The following DDX60L variants were observed in gnomAD, a reference collection of about 807,000 sequenced individuals.
DDX60L encodes DExD/H-box 60 like.
DDX60L carries 191 observed loss-of-function variants against 211.6 expected under a neutral mutation model. The observed-to-expected ratio is 0.90, with a 90% CI of 0.80 to 1.02. DDX60L has a LOEUF of 1.02. DDX60L is among the 50% of genes least tolerant of loss of function. The pLI is 0.00. For synonymous variants in DDX60L, 706 were observed against 694.1 expected (o/e 1.02, Z -0.27); for missense variants, 2,007 against 1,984.1 (o/e 1.01, Z -0.22).
chr4:168,379,620 A>T, intron 31 of DDX60L, 106 bp downstream of exon 31: 1 of 1,168,990 alleles, frequency 8.6e-7, no homozygotes, highest in Non-Finnish European at 1.2e-6. Flanking sequence ...AATGATAAGT[A>T]ACATTATCAT....
rs1738414918 is a variant in DDX60L at position 168,357,971 on chromosome 4, G to T, written c.*176C>A. Reference sequence around the variant, plus strand: ...TTGCCAAAAATGAAGTTAAAGCTCAGATATATTACATAACTTAAAGTCATT... The same window carrying T: ...TTGCCAAAAATGAAGTTAAAGCTCATATATATTACATAACTTAAAGTCATT... On this transcript the variant is annotated 3_prime_UTR_variant, in exon 38 of 38. Transcript: ENST00000682922. 1.8e-6 allele frequency: 1 copy of T among 547,970 alleles called. No individual in the cohort carries two copies. The highest frequency in any genetic ancestry group is 2.4e-5 in the South Asian group (1 of 42,360). The allele number at this position is 547,970 out of a possible 1,614,324, so 33.9% of individuals were successfully genotyped here. A position where few individuals can be genotyped will look rare whatever the true frequency, so the allele number is the denominator to read the frequency against.
chr4:168,435,430 A>C (rs1168672185), intron 10 of DDX60L, among the ~76,000 whole-genome samples: 2 of 152,218 alleles, frequency 1.3e-5, no homozygotes, highest in Non-Finnish European at 2.9e-5. Flanking sequence ...TCACATCCAC[A>C]TTCAACCTGA....
Position 168,423,761 on chromosome 4 carries a change from T to G in DDX60L, c.1944A>C (p.Lys648Asn). The G allele has an allele frequency of 6.4e-7, 1 of 1,570,134 alleles. No homozygotes were observed. The highest frequency in any genetic ancestry group is 8.6e-7 in the Non-Finnish European group (1 of 1,166,606). ...KHCRGEGKIS[K>N]DLSIAVQMMK... is the part of the protein sequence containing the mutation. Reference sequence around the variant, plus strand: ...TCATTTGAACAGCTATACTTAAATCTTTCGAAATTTTGCCTTGTTAAAGAA... The same window carrying G: ...TCATTTGAACAGCTATACTTAAATCGTTCGAAATTTTGCCTTGTTAAAGAA... Residue 648 changes from lysine (K) to asparagine (N), a missense_variant, in exon 15 of 38, where the codon AAA (lysine) becomes AAC (asparagine). Coordinates refer to ENST00000682922, the MANE Select transcript of DDX60L (RefSeq NM_001012967.3).
chr4:168,415,765 C>T lies in DDX60L; in HGVS notation c.2761G>A (p.Ala921Thr). The T allele has an allele frequency of 1.3e-6, 2 of 1,582,918 alleles. No homozygotes were observed. Among genetic ancestry groups the T allele is most frequent in the South Asian group, 1.2e-5 (1 of 86,268 alleles). Residue 921 changes from alanine to threonine, a missense_variant, in exon 21 of 38, where the codon GCA becomes ACA. Physicochemically the swap from Ala to Thr is moderately conservative, Grantham distance 58 (BLOSUM62 0). Coordinates refer to ENST00000682922, the MANE Select transcript of DDX60L (RefSeq NM_001012967.3). ...LQSVKQYWKQ[A>T]DKIMEEKCIS... ...CATTTCTCTTCCATAATCTTGTCTGCCTGTTTCCAGTACTGTTTTACTGAT... is the reference window on the plus strand; with the variant it reads ...CATTTCTCTTCCATAATCTTGTCTGTCTGTTTCCAGTACTGTTTTACTGAT...
intron 1 of DDX60L, among the ~76,000 whole-genome samples, chr4:168,479,629 A>G (rs888149660): frequency 1.3e-5 from 2 of 152,188 alleles, no homozygotes; most frequent in African/African-American, 2.4e-5. Context: ...AAAAAAGAAC[A>G]AAGTACCTTT....
chr4:168,472,569 C>CTA, intron 2 of DDX60L, 45 bp from the exon 3 acceptor site: 1 of 1,565,532 alleles, frequency 6.4e-7, no homozygotes, highest in Non-Finnish European at 8.7e-7. Flanking sequence ...TTTTACACAG[C>CTA]TATATAATTT....
chr4:168,385,052 T>C (rs548928859), intron 29 of DDX60L, among the ~76,000 whole-genome samples: 1 of 152,314 alleles, frequency 6.6e-6, no homozygotes, highest in South Asian at 2.1e-4. Flanking sequence ...ACTCATAAAA[T>C]CCTTGGACTC....
At chr4:168,401,009 A>G in intron 25 of DDX60L, 31 bp from the exon 26 acceptor site, 1 of 1,596,926 alleles carries the variant, frequency 6.3e-7, no homozygotes, top group Non-Finnish European at 8.5e-7. Flanking sequence ...TGCTTTGAAA[A>G]GACTATGTTT....
intron 34 of DDX60L, among the ~76,000 whole-genome samples, chr4:168,374,763 G>A (rs959225837): frequency 3.9e-5 from 6 of 152,158 alleles, no homozygotes; most frequent in African/African-American, 1.4e-4. Flanking sequence ...ATAGACTTAC[G>A]CGATGTTGAC....
At chr4:168,431,808 T>C (rs996567896) in intron 12 of DDX60L, among the ~76,000 whole-genome samples, 3 of 152,148 alleles carry the variant, frequency 2.0e-5, no homozygotes, top group Non-Finnish European at 4.4e-5. Flanking sequence ...GAAAAAAAGA[T>C]CTATGAATTC....
intron 10 of DDX60L, among the ~76,000 whole-genome samples, chr4:168,440,702 G>T (rs1256794534): frequency 6.6e-6 from 1 of 152,074 alleles, no homozygotes; most frequent in South Asian, 2.1e-4. Flanking sequence ...GACTGGGTTG[G>T]TCTGTTAATC....
chr4:168,457,981 T>C lies in DDX60L; in HGVS notation c.634A>G (p.Lys212Glu), dbSNP rs750630047. ...TCTTCCAAGTGTTGTATGAGGCTTT[T>C]ATATGCACTCTGAATCACTGTTTCA... ...ENETVIQSAY[K>E]SLIQHLEEIR... The change falls in exon 6 of 38, where the codon AAA (lysine) becomes GAA (glutamate). Residue 212 changes from lysine to glutamate, a missense_variant. By Grantham distance (56) the Lys-to-Glu change is moderately conservative. Coordinates refer to ENST00000682922, the MANE Select transcript of DDX60L (RefSeq NM_001012967.3). The C allele has an allele frequency of 2.6e-6, 4 of 1,562,512 alleles. No individual in the cohort carries two copies. The African/African-American group carries it at 5.4e-5, about 21-fold the overall frequency.
intron 12 of DDX60L, among the ~76,000 whole-genome samples, chr4:168,431,796 AG>A (rs1183963831): frequency 2.0e-5 from 3 of 152,188 alleles, no homozygotes; most frequent in African/African-American, 7.2e-5. Flanking sequence ...AGAATGAACC[AG>A]GAAAAAAAGA....
intron 33 of DDX60L, among the ~76,000 whole-genome samples, chr4:168,377,269 G>C (rs1258900440): frequency 6.6e-6 from 1 of 151,636 alleles, no homozygotes; most frequent in Non-Finnish European, 1.5e-5. Flanking sequence ...TCTAGCCTGG[G>C]TGAGTGAGCA....
Position 168,356,926 on chromosome 4 carries a change from AT to A in DDX60L, c.*1220del, listed in dbSNP as rs1417825557. The A allele has an allele frequency of 6.6e-6, 1 of 152,196 alleles. No homozygotes were observed. The highest frequency in any genetic ancestry group is 1.5e-5 in the Non-Finnish European group (1 of 68,022). 9.4% of individuals were successfully genotyped at this position (152,196 alleles called of 1,614,324 possible). ...ATAGCTTTAAGAATTATATTCTCTAATTTTTAAATCACTTGCAGTTTAAGCT... is the reference window on the plus strand; with the variant it reads ...ATAGCTTTAAGAATTATATTCTCTAATTTTAAATCACTTGCAGTTTAAGCT... On this transcript the variant is annotated 3_prime_UTR_variant, in exon 38 of 38. Coordinates refer to ENST00000682922, the MANE Select transcript of DDX60L (RefSeq NM_001012967.3).
At chr4:168,398,938 G>A (rs1746299868) in intron 26 of DDX60L, among the ~76,000 whole-genome samples, 1 of 150,766 alleles carries the variant, frequency 6.6e-6, no homozygotes, top group South Asian at 2.1e-4. Context: ...CACTTGATGG[G>A]ATTACCTGCC....
intron 27 of DDX60L, 24 bp from the exon 28 acceptor site, chr4:168,394,641 A>C: frequency 6.4e-7 from 1 of 1,565,196 alleles, no homozygotes; most frequent in Non-Finnish European, 8.6e-7. Flanking sequence ...GAAGTGTAAA[A>C]CAATTGATGA....
chr4:168,479,362 G>T (rs1760073172), intron 1 of DDX60L, among the ~76,000 whole-genome samples: 1 of 152,134 alleles, frequency 6.6e-6, no homozygotes, highest in Non-Finnish European at 1.5e-5. Flanking sequence ...TAGATTGAAT[G>T]GTATGTTACT....
At chr4:168,362,798 A>C (rs1013224082) in intron 36 of DDX60L, among the ~76,000 whole-genome samples, 22 of 152,246 alleles carry the variant, frequency 1.4e-4, no homozygotes, top group African/African-American at 4.8e-4. Context: ...ATAAAAAGGA[A>C]TTAAGAAACC....
Sources: gnomAD v4.1 joint callset for allele counts (sites outside exome capture counted in the v4.1 genomes callset) on GRCh38, gnomAD v4.1.1 for gene constraint, MANE v1.5 for transcripts, NCBI Gene and HGNC (gene_info 2026-07-23, HGNC 2026-07-21) for gene names.